The following ADGRL2 variants were observed in gnomAD, a reference collection of about 807,000 sequenced individuals.
ADGRL2 encodes adhesion G protein-coupled receptor L2.
A neutral mutation model predicts 157.4 loss-of-function variants in ADGRL2; 44 were observed. The observed-to-expected ratio is 0.28, with a 90% confidence interval of 0.22 to 0.36. The LOEUF (loss-of-function observed/expected upper bound fraction) is 0.36. Among genes scored for constraint, ADGRL2 ranks in the 10% least tolerant of loss-of-function variants. The pLI, the probability that ADGRL2 is intolerant of heterozygous loss-of-function variation, is 1.00. For missense variants in ADGRL2, 1,510 were observed against 1,768.9 expected, an observed-to-expected ratio of 0.85 and a Z score of 2.63; for synonymous variants, 585 against 624.7, an observed-to-expected ratio of 0.94 and a Z score of 0.95.
chr1:81,479,724 C>A (rs539237886), intron 2 of ADGRL2, among the ~76,000 whole-genome samples: 49 of 152,232 alleles, frequency 3.2e-4, no homozygotes, highest in African/African-American at 1.1e-3. Context: ...CTGGAACTAA[C>A]AAATAACCCC....
At chr1:81,905,084 T>C (rs895897807) in intron 2 of ADGRL2, among the ~76,000 whole-genome samples, 1 of 151,950 alleles carries the variant, frequency 6.6e-6, no homozygotes, top group African/African-American at 2.4e-5. Context: ...CTTTCTTTTC[T>C]TTTTCCTTAC....
At chr1:81,353,767 G>A (rs1663082648) in intron 1 of ADGRL2, among the ~76,000 whole-genome samples, 1 of 152,170 alleles carries the variant, frequency 6.6e-6, no homozygotes, top group Admixed American at 6.5e-5. Context: ...GCCCTGGGAT[G>A]ATAGTGTGAA....
chr1:81,404,789 T>A (rs1274233167), intron 1 of ADGRL2, among the ~76,000 whole-genome samples: 1 of 152,202 alleles, frequency 6.6e-6, no homozygotes, highest in African/African-American at 2.4e-5. Flanking sequence ...TCCTCTTCCA[T>A]CAAAATCATC....
At chr1:81,706,934 G>A (rs1476204992) in intron 1 of ADGRL2, among the ~76,000 whole-genome samples, 4 of 152,098 alleles carry the variant, frequency 2.6e-5, no homozygotes, top group Admixed American at 6.5e-5. Context: ...TTACCAAATG[G>A]CTCTAATGTA....
chr1:81,647,464 G>A (rs2082335932), intron 3 of ADGRL2, among the ~76,000 whole-genome samples: 1 of 152,056 alleles, frequency 6.6e-6, no homozygotes, highest in South Asian at 2.1e-4. Flanking sequence ...GCCATGTCAC[G>A]GTCAAAACGT....
At chr1:81,785,480 C>T (rs1465664222) in intron 2 of ADGRL2, among the ~76,000 whole-genome samples, 1 of 152,134 alleles carries the variant, frequency 6.6e-6, no homozygotes, top group Non-Finnish European at 1.5e-5. Context: ...GTAGTCCCAG[C>T]ACTTTGCGAG....
intron 1 of ADGRL2, among the ~76,000 whole-genome samples, chr1:81,431,715 G>T (rs530718532): frequency 6.6e-6 from 1 of 152,166 alleles, no homozygotes; most frequent in African/African-American, 2.4e-5. Context: ...CACTCAAATT[G>T]CCTGTTCTTT....
Position 81,950,390 on chromosome 1 carries a change from G to C in ADGRL2, c.1412G>C (p.Arg471Thr). 1.2e-6 allele frequency: 2 copies of C among 1,614,022 alleles called. No homozygotes were observed. The highest frequency in any genetic ancestry group is 2.2e-5 in the South Asian group (2 of 91,088). Residue 471 changes from arginine (R) to threonine (T), a missense_variant, in exon 7 of 24, where the codon AGA (arginine) becomes ACA (threonine). Arg to Thr is a moderately conservative substitution (Grantham distance 71, BLOSUM62 -1). Coordinates refer to ENST00000686636, the MANE Select transcript of ADGRL2 (RefSeq NM_001366006.2). ...ACAAATATTTTTCCCCTGCCAGAGA[G>C]ATTCTGTGAAGCATTAGACTCCAAG... is the stretch of plus-strand genomic sequence containing the variant. ...PITNIFPLPE[R>T]FCEALDSKGI...
At chr1:81,433,297 T>G in intron 1 of ADGRL2, among the ~76,000 whole-genome samples, 1 of 152,220 alleles carries the variant, frequency 6.6e-6, no homozygotes. Flanking sequence ...TATAGATTAG[T>G]GCAGGTCAAT....
intron 3 of ADGRL2, among the ~76,000 whole-genome samples, chr1:81,671,665 A>G (rs918135459): frequency 6.6e-6 from 1 of 152,106 alleles, no homozygotes; most frequent in Non-Finnish European, 1.5e-5. Context: ...GGCGCCCGCT[A>G]CCACACCCGG....
At chr1:81,667,088 T>C (rs995444076) in intron 3 of ADGRL2, among the ~76,000 whole-genome samples, 1 of 152,142 alleles carries the variant, frequency 6.6e-6, no homozygotes, top group African/African-American at 2.4e-5. Flanking sequence ...AAAGAAGCAA[T>C]GGGATATTTT....
At chr1:81,401,286 C>T (rs1042894222) in intron 1 of ADGRL2, among the ~76,000 whole-genome samples, 6 of 152,236 alleles carry the variant, frequency 3.9e-5, no homozygotes, top group Admixed American at 6.5e-5. Context: ...ACCCAGGCAG[C>T]AAACTCAGCT....
At chr1:81,672,455 A>T (rs2082895407) in intron 3 of ADGRL2, among the ~76,000 whole-genome samples, 1 of 152,232 alleles carries the variant, frequency 6.6e-6, no homozygotes. Flanking sequence ...AGCACTTGGC[A>T]TAGAGAAATG....
rs1007312161 is a variant in ADGRL2, at chr1:81,557,939, G to A, written c.-247-22937G>A. On this transcript the variant is annotated intron_variant, in intron 2 of 24. Transcript: ENST00000370721. ...TCCTCCCTGATCACCTTACATTGAG[G>A]AGGGCGCACCTCTGTTCTGGCGAGC... 4.6e-5 allele frequency: 7 copies of A among 152,238 alleles called. No individual in the cohort carries two copies. The South Asian group carries it at 6.2e-4, about 13-fold the overall frequency. 9.4% of individuals were successfully genotyped at this position (152,238 alleles called of 1,614,324 possible).
intron 3 of ADGRL2, among the ~76,000 whole-genome samples, chr1:81,911,198 C>CT (rs2148408507): frequency 6.6e-6 from 1 of 152,110 alleles, no homozygotes; most frequent in Non-Finnish European, 1.5e-5. Context: ...AGTATACTGT[C>CT]TTAAGTATTC....
intron 1 of ADGRL2, among the ~76,000 whole-genome samples, chr1:81,821,994 G>A (rs568116697): frequency 6.7e-5 from 10 of 149,210 alleles, no homozygotes; most frequent in African/African-American, 2.5e-4. Flanking sequence ...GAAATAACCT[G>A]CAATGCTGTG....
chr1:81,459,118 T>C (rs1244480149), intron 2 of ADGRL2, among the ~76,000 whole-genome samples: 5 of 152,032 alleles, frequency 3.3e-5, no homozygotes, highest in South Asian at 2.1e-4. Context: ...TGTGTGCTGA[T>C]TGGTCTATGG....
chr1:81,417,642 CTTG>C (rs2077055053), intron 1 of ADGRL2, among the ~76,000 whole-genome samples: 1 of 152,186 alleles, frequency 6.6e-6, no homozygotes, highest in South Asian at 2.1e-4. Context: ...CTAGGCTCTA[CTTG>C]TTGTATTAGG....
At chr1:81,503,645 G>C (rs923756777) in intron 2 of ADGRL2, among the ~76,000 whole-genome samples, 1 of 152,168 alleles carries the variant, frequency 6.6e-6, no homozygotes, top group Admixed American at 6.5e-5. Context: ...TACTCCGGGG[G>C]CAGGGAGAGG....
Sources: gnomAD v4.1 joint callset for allele counts (sites outside exome capture counted in the v4.1 genomes callset) on GRCh38, gnomAD v4.1.1 for gene constraint, MANE v1.5 for transcripts, NCBI Gene and HGNC (gene_info 2026-07-23, HGNC 2026-07-21) for gene names.